PHF24: variants seen among roughly 807,000 people sequenced by gnomAD.
The protein encoded by PHF24 is Galpha inhibitory interacting protein.
A neutral mutation model predicts 42.6 loss-of-function variants in PHF24; 25 were observed. That is an observed-to-expected ratio of 0.59 (90% CI 0.43 to 0.82). The LOEUF is 0.82. Ranked by LOEUF, PHF24 falls within the 40% of genes least tolerant of loss-of-function variation. The pLI is 0.00. For synonymous variants in PHF24, 185 were observed against 204.8 expected, an observed-to-expected ratio of 0.90 and a Z score of 0.83; for missense variants, 470 against 538.1, an observed-to-expected ratio of 0.87 and a Z score of 1.25.
chr9:34,750,477 G>A, the PHF24 span, among the ~76,000 whole-genome samples: 118,192 of 151,238 alleles, frequency 0.78, 46,834 homozygotes, highest in East Asian at 0.95. Context: ...GTGACAGAGC[G>A]AGACTCTATC....
chr9:34,781,141 C>A, the PHF24 span, among the ~76,000 whole-genome samples: 1 of 152,042 alleles, frequency 6.6e-6, no homozygotes, highest in South Asian at 2.1e-4. Flanking sequence ...CCAAACTAAC[C>A]GAAAACAGGA....
At chr9:34,762,303 A>C in the PHF24 span, among the ~76,000 whole-genome samples, 3 of 145,956 alleles carry the variant, frequency 2.1e-5, no homozygotes, top group African/African-American at 7.5e-5. Context: ...ACTAGTTTAC[A>C]GTCCCACCAA....
At chr9:34,836,492 G>A in the PHF24 span, among the ~76,000 whole-genome samples, 1 of 152,150 alleles carries the variant, frequency 6.6e-6, no homozygotes, top group Non-Finnish European at 1.5e-5. Context: ...TGGAAAATGA[G>A]GTTTATGTGG....
At chr9:34,965,979 G>T (rs1826753621) in intron 1 of PHF24, among the ~76,000 whole-genome samples, 1 of 152,066 alleles carries the variant, frequency 6.6e-6, no homozygotes, top group African/African-American at 2.4e-5. Flanking sequence ...TCTCTTGACT[G>T]TTCCCTAAAA....
At chr9:34,919,011 C>A in the PHF24 span, among the ~76,000 whole-genome samples, 2 of 152,026 alleles carry the variant, frequency 1.3e-5, no homozygotes, top group Non-Finnish European at 2.9e-5. Context: ...ATTTCACAAA[C>A]GTTTGATTTT....
the PHF24 span, among the ~76,000 whole-genome samples, chr9:34,685,373 T>C: frequency 6.6e-6 from 1 of 152,148 alleles, no homozygotes; most frequent in Non-Finnish European, 1.5e-5. Flanking sequence ...GTAAACTCCC[T>C]CTTTGAGGCT....
At chr9:34,685,833 G>T in the PHF24 span, among the ~76,000 whole-genome samples, 1 of 152,164 alleles carries the variant, frequency 6.6e-6, no homozygotes, top group Non-Finnish European at 1.5e-5. Context: ...TCCACATCTG[G>T]CCTTGCTGTA....
At chr9:34,751,081 T>C in the PHF24 span, among the ~76,000 whole-genome samples, 6 of 151,682 alleles carry the variant, frequency 4.0e-5, no homozygotes, top group African/African-American at 1.2e-4. Context: ...AGAGCAGGAG[T>C]TGGCTGGGTG....
chr9:34,886,791 ATCTAC>A, the PHF24 span, among the ~76,000 whole-genome samples: 14 of 114,188 alleles, frequency 1.2e-4, no homozygotes, highest in African/African-American at 3.0e-4. Flanking sequence ...TACTCTGTCT[ATCTAC>A]TCTATCTATG....
the PHF24 span, among the ~76,000 whole-genome samples, chr9:34,740,575 C>T: frequency 1.1e-3 from 162 of 152,314 alleles, no homozygotes; most frequent in Non-Finnish European, 1.9e-3. Context: ...TCCAGCTGGC[C>T]CGCAAGCACC....
At chr9:34,709,414 G>A in the PHF24 span, 1 of 1,610,438 alleles carries the variant, frequency 6.2e-7, no homozygotes, top group Non-Finnish European at 8.5e-7. Flanking sequence ...TTAGGGGTCT[G>A]TGACCGCTCA....
the PHF24 span, among the ~76,000 whole-genome samples, chr9:34,810,057 A>G: frequency 1.3e-5 from 2 of 151,418 alleles, no homozygotes; most frequent in Non-Finnish European, 2.9e-5. Context: ...CAGCTCAGCC[A>G]GCGCTGCATG....
the PHF24 span, chr9:34,709,356 G>T: frequency 1.2e-6 from 2 of 1,603,170 alleles, no homozygotes; most frequent in South Asian, 2.2e-5. Context: ...CGCTGGTGAG[G>T]CTGGTGGGGT....
chr9:34,888,621 A>C, the PHF24 span, among the ~76,000 whole-genome samples: 1 of 152,224 alleles, frequency 6.6e-6, no homozygotes, highest in South Asian at 2.1e-4. Flanking sequence ...CTGTCATATT[A>C]GCTGTGTGCT....
At chr9:34,977,695 A>G (rs1033609208) in intron 7 of PHF24, 54 bp downstream of exon 7, 3 of 1,426,554 alleles carry the variant, frequency 2.1e-6, no homozygotes, top group Non-Finnish European at 1.9e-6. Flanking sequence ...CCCACAAAAC[A>G]CACAAGTAAG....
At chr9:34,942,453 C>T in the PHF24 span, among the ~76,000 whole-genome samples, 1 of 152,094 alleles carries the variant, frequency 6.6e-6, no homozygotes, top group Non-Finnish European at 1.5e-5. Flanking sequence ...GGGTGTCTCC[C>T]ACCCTCTAGA....
the PHF24 span, among the ~76,000 whole-genome samples, chr9:34,734,382 T>C: frequency 6.6e-6 from 1 of 152,170 alleles, no homozygotes; most frequent in African/African-American, 2.4e-5. Flanking sequence ...CGAACCTTAG[T>C]GTGTATTCAC....
chr9:34,946,369 T>C, the PHF24 span, among the ~76,000 whole-genome samples: 1 of 152,196 alleles, frequency 6.6e-6, no homozygotes, highest in African/African-American at 2.4e-5. Flanking sequence ...TTCTTTCTAT[T>C]CTGTTCAACA....
chr9:34,931,028 A>G, the PHF24 span, among the ~76,000 whole-genome samples: 2 of 152,150 alleles, frequency 1.3e-5, no homozygotes, highest in Admixed American at 1.3e-4. Flanking sequence ...TGTTCTCCTG[A>G]TGGTGAGTGA....
Sources: gnomAD v4.1 joint callset for allele counts (sites outside exome capture counted in the v4.1 genomes callset) on GRCh38, gnomAD v4.1.1 for gene constraint, MANE v1.5 for transcripts, NCBI Gene and HGNC (gene_info 2026-07-23, HGNC 2026-07-21) for gene names.